The following TNFRSF21 variants were observed in gnomAD, a reference collection of about 807,000 sequenced individuals.
TNFRSF21 encodes tumor necrosis factor receptor superfamily member 21.
TNFRSF21 carries 19 observed loss-of-function variants against 45.6 expected under a neutral mutation model. The ratio of observed to expected loss-of-function variants is 0.42; its 90% CI spans 0.29 to 0.61. TNFRSF21 has a LOEUF of 0.61. Among genes scored for constraint, TNFRSF21 ranks in the 20% least tolerant of loss-of-function variants. The pLI, the probability that TNFRSF21 is intolerant of heterozygous loss-of-function variation, is 0.23. For missense variants in TNFRSF21, 737 were observed against 851.5 expected (o/e 0.87, Z 1.67); for synonymous variants, 314 against 335.5 (o/e 0.94, Z 0.70).
chr6:47,294,668 G>C (rs1247473934), intron 1 of TNFRSF21, among the ~76,000 whole-genome samples: 1 of 149,692 alleles, frequency 6.7e-6, no homozygotes. Context: ...ATGTATCAAA[G>C]AGTTAAAAAA....
chr6:47,305,342 T>C (rs1183595936), intron 1 of TNFRSF21, among the ~76,000 whole-genome samples: 2 of 152,124 alleles, frequency 1.3e-5, no homozygotes, highest in Non-Finnish European at 2.9e-5. Context: ...ACTTCCCCAG[T>C]AGAGTATTTT....
At chr6:47,287,509 T>G (rs1762668654) in intron 1 of TNFRSF21, among the ~76,000 whole-genome samples, 1 of 151,964 alleles carries the variant, frequency 6.6e-6, no homozygotes. Flanking sequence ...TCTTTCTATT[T>G]AAGAATTATT....
At chr6:47,244,323 C>CAAAAAAAA (rs764763953) in intron 4 of TNFRSF21, among the ~76,000 whole-genome samples, 1 of 76,048 alleles carries the variant, frequency 1.3e-5, no homozygotes, top group African/African-American at 4.4e-5. Flanking sequence ...GACTCCGTCT[C>CAAAAAAAA]AAAAAAAAAA....
At chr6:47,305,299 T>C (rs897637335) in intron 1 of TNFRSF21, among the ~76,000 whole-genome samples, 15 of 152,222 alleles carry the variant, frequency 9.9e-5, no homozygotes, top group Non-Finnish European at 1.9e-4. Context: ...GGGTGCTCGA[T>C]GCAGTTTCAT....
intron 1 of TNFRSF21, among the ~76,000 whole-genome samples, chr6:47,303,173 C>T (rs1170284816): frequency 6.6e-6 from 1 of 152,158 alleles, no homozygotes; most frequent in Non-Finnish European, 1.5e-5. Flanking sequence ...GCTCATGTTC[C>T]TTTTCCCAAA....
At chr6:47,252,336 G>A (rs2113849551) in intron 4 of TNFRSF21, among the ~76,000 whole-genome samples, 1 of 152,202 alleles carries the variant, frequency 6.6e-6, no homozygotes, top group Middle Eastern at 3.4e-3. Flanking sequence ...TAGTCTTAGT[G>A]GCAGCATTTT....
intron 4 of TNFRSF21, among the ~76,000 whole-genome samples, chr6:47,239,588 C>A (rs13215539): frequency 6.6e-6 from 1 of 152,336 alleles, no homozygotes; most frequent in East Asian, 1.9e-4. Flanking sequence ...CCAGCCTCAA[C>A]TGCCATCTGT....
chr6:47,286,761 G>A (rs1244128042), intron 1 of TNFRSF21, among the ~76,000 whole-genome samples, 166 bp from the exon 2 acceptor site: 1 of 152,200 alleles, frequency 6.6e-6, no homozygotes, highest in East Asian at 1.9e-4. Flanking sequence ...AGTAGAACGA[G>A]AGAAACGAAG....
chr6:47,235,471 C>T (rs560431907), intron 4 of TNFRSF21, among the ~76,000 whole-genome samples: 40 of 152,296 alleles, frequency 2.6e-4, no homozygotes, highest in Non-Finnish European at 4.6e-4. Flanking sequence ...CAGCCATCTG[C>T]AAGCCAAGAG....
At chr6:47,292,614 C>T (rs1198368364) in intron 1 of TNFRSF21, among the ~76,000 whole-genome samples, 1 of 152,186 alleles carries the variant, frequency 6.6e-6, no homozygotes, top group African/African-American at 2.4e-5. Context: ...GCCTCTTAAC[C>T]AATCTGGTAC....
chr6:47,304,978 G>C (rs1762918627), intron 1 of TNFRSF21, among the ~76,000 whole-genome samples: 3 of 152,196 alleles, frequency 2.0e-5, no homozygotes. Flanking sequence ...CCTCTGATTA[G>C]AAGTTGCTTT....
intron 4 of TNFRSF21, among the ~76,000 whole-genome samples, chr6:47,245,235 C>G (rs1465254285): frequency 6.6e-6 from 1 of 152,198 alleles, no homozygotes; most frequent in Non-Finnish European, 1.5e-5. Flanking sequence ...ATTCTCAAGT[C>G]TGGCTCACAT....
At chr6:47,270,999 A>G (rs1011594548) in intron 3 of TNFRSF21, among the ~76,000 whole-genome samples, 7 of 152,226 alleles carry the variant, frequency 4.6e-5, no homozygotes, top group Non-Finnish European at 7.3e-5. Flanking sequence ...CAGAGCCTCC[A>G]AGAAATATGG....
At chr6:47,235,828 G>A (rs1764659556) in intron 4 of TNFRSF21, among the ~76,000 whole-genome samples, 2 of 152,176 alleles carry the variant, frequency 1.3e-5, no homozygotes, top group Non-Finnish European at 2.9e-5. Flanking sequence ...GGATAGAACA[G>A]AGACTGTGAA....
At chr6:47,240,205 C>T (rs1018458424) in intron 4 of TNFRSF21, among the ~76,000 whole-genome samples, 15 of 152,138 alleles carry the variant, frequency 9.9e-5, no homozygotes, top group African/African-American at 2.7e-4. Flanking sequence ...ACAGTAAAGT[C>T]GCTGTTTTGA....
chr6:47,255,483 T>C (rs755130207), intron 3 of TNFRSF21, among the ~76,000 whole-genome samples: 3 of 151,574 alleles, frequency 2.0e-5, no homozygotes, highest in African/African-American at 4.9e-5. Flanking sequence ...TTTTTTGAGA[T>C]GAAGTTTTGC....
At chr6:47,262,345 G>T (rs1561943000) in intron 3 of TNFRSF21, among the ~76,000 whole-genome samples, 1 of 152,170 alleles carries the variant, frequency 6.6e-6, no homozygotes, top group Non-Finnish European at 1.5e-5. Flanking sequence ...GCTTATCTTA[G>T]TCTGTTTTTG....
intron 5 of TNFRSF21, 37 bp from the exon 6 acceptor site, chr6:47,233,031 G>A: frequency 2.5e-6 from 4 of 1,601,956 alleles, no homozygotes; most frequent in Non-Finnish European, 2.6e-6. Flanking sequence ...CAGCTGTAAG[G>A]TGACTGTACT....
At chr6:47,259,335 T>C (rs1485430444) in intron 3 of TNFRSF21, among the ~76,000 whole-genome samples, 1 of 151,880 alleles carries the variant, frequency 6.6e-6, no homozygotes, top group Admixed American at 6.6e-5. Flanking sequence ...CTCAACCCAC[T>C]GAAGGGCTGA....
Sources: gnomAD v4.1 joint callset for allele counts (sites outside exome capture counted in the v4.1 genomes callset) on GRCh38, gnomAD v4.1.1 for gene constraint, MANE v1.5 for transcripts, NCBI Gene and HGNC (gene_info 2026-07-23, HGNC 2026-07-21) for gene names.